NOX4: variants seen among roughly 807,000 people sequenced by gnomAD.
NOX4 encodes NADPH oxidase 4, also known as kidney oxidase-1.
A neutral mutation model predicts 87.6 loss-of-function variants in NOX4; 69 were observed. The observed-to-expected ratio is 0.79, with a 90% CI of 0.65 to 0.96. The LOEUF is 0.96. Ranked by LOEUF, NOX4 falls within the 40% of genes least tolerant of loss-of-function variation. The probability of loss-of-function intolerance (pLI) is 0.00; values close to 1 mark genes in which losing one functional copy is unlikely to be tolerated. For missense variants in NOX4, 680 were observed against 681.5 expected (o/e 1.00, Z 0.02); for synonymous variants, 275 against 238.2 (o/e 1.15, Z -1.42).
intron 11 of NOX4, among the ~76,000 whole-genome samples, chr11:89,384,472 G>T (rs375255770): frequency 6.6e-6 from 1 of 152,050 alleles, no homozygotes; most frequent in East Asian, 1.9e-4. Context: ...GATCATGTCT[G>T]GCTAATCTCC....
chr11:89,553,938 A>G, the NOX4 span, among the ~76,000 whole-genome samples: 3 of 151,590 alleles, frequency 2.0e-5, no homozygotes, highest in African/African-American at 7.3e-5. Context: ...GTGCCTACCC[A>G]AGTTAGACTC....
At chr11:89,489,045 T>A (rs1424833261) in intron 2 of NOX4, 1 of 699,090 alleles carries the variant, frequency 1.4e-6, no homozygotes, top group Non-Finnish European at 2.6e-6. Context: ...CTTTACAGAC[T>A]ATTTTTTTCA....
chr11:89,424,915 T>A (rs978817936), intron 7 of NOX4, among the ~76,000 whole-genome samples: 9 of 152,092 alleles, frequency 5.9e-5, no homozygotes, highest in African/African-American at 2.2e-4. Context: ...CATTTAAGAA[T>A]TTCATGATTC....
chr11:89,492,357 A>C (rs1241702689), upstream of NOX4: 1 of 152,266 alleles, frequency 6.6e-6, no homozygotes, highest in African/African-American at 2.4e-5. Flanking sequence ...GAGAGACAGA[A>C]AAGTTTACTA....
intron 2 of NOX4, among the ~76,000 whole-genome samples, chr11:89,469,028 C>T (rs1438936246): frequency 1.3e-5 from 2 of 152,156 alleles, no homozygotes; most frequent in Non-Finnish European, 2.9e-5. Flanking sequence ...CCACACAAGG[C>T]CTGAAAGCTT....
At chr11:89,500,948 A>G (rs1350786751), upstream of NOX4, among the ~76,000 whole-genome samples, 1 of 152,126 alleles carries the variant, frequency 6.6e-6, no homozygotes, top group African/African-American at 2.4e-5. Context: ...ACATGACATT[A>G]GTTTAGCACA....
chr11:89,337,662 T>C lies in NOX4; in HGVS notation c.1447-147A>G, dbSNP rs534873872. ...ATAAGAAAATGAATACACACACACA[T>C]ACATACACAGAAATATATATAACAG... On this transcript the variant is annotated intron_variant, in intron 15 of 17. Transcript: ENST00000263317. 72 of 1,092,434 alleles carry C rather than the reference T, an allele frequency of 6.6e-5. No homozygotes were observed. In the Admixed American group the frequency reaches 9.3e-4, roughly 14 times the overall value. 67.7% of individuals were successfully genotyped at this position (1,092,434 alleles called of 1,614,324 possible).
chr11:89,336,915 C>T (rs1945736700), intron 16 of NOX4, among the ~76,000 whole-genome samples: 2 of 151,974 alleles, frequency 1.3e-5, no homozygotes, highest in Non-Finnish European at 2.9e-5. Context: ...ATACACCAGT[C>T]CAGCTCTTCA....
intron 11 of NOX4, among the ~76,000 whole-genome samples, chr11:89,382,447 G>A (rs1216673436): frequency 6.6e-6 from 1 of 151,992 alleles, no homozygotes; most frequent in East Asian, 1.9e-4. Context: ...ATGGGCAAAT[G>A]GTCTGAGGTG....
At chr11:89,581,732 G>A in the NOX4 span, among the ~76,000 whole-genome samples, 1 of 152,010 alleles carries the variant, frequency 6.6e-6, no homozygotes, top group Admixed American at 6.6e-5. Context: ...CATACAAAAT[G>A]CTGTACATAT....
chr11:89,333,458 T>G (rs1945560980), intron 17 of NOX4, among the ~76,000 whole-genome samples: 1 of 151,100 alleles, frequency 6.6e-6, no homozygotes, highest in Admixed American at 6.6e-5. Context: ...TTACAAAAGC[T>G]TCTGTAAGAA....
chr11:89,580,103 G>A, the NOX4 span, among the ~76,000 whole-genome samples: 2,483 of 152,278 alleles, frequency 0.016, 55 homozygotes, highest in African/African-American at 0.053. Context: ...AAGAGCTTGA[G>A]TAAGTTGTAT....
At chr11:89,373,277 C>T (rs1453542298) in intron 12 of NOX4, among the ~76,000 whole-genome samples, 155 bp downstream of exon 12, 1 of 59,100 alleles carries the variant, frequency 1.7e-5, no homozygotes, top group Admixed American at 2.3e-4. Flanking sequence ...ACTGTACAAG[C>T]AAAAAAAAAA....
chr11:89,400,957 A>T (rs964196838), intron 9 of NOX4, among the ~76,000 whole-genome samples: 1 of 151,952 alleles, frequency 6.6e-6, no homozygotes, highest in African/African-American at 2.4e-5. Flanking sequence ...ACATAAAATA[A>T]TATTTATAAT....
rs1354301462 is a variant in NOX4 at position 89,438,820 on chromosome 11, A to G, written c.475+1868T>C. ...TAATATATTATATATTATATATATTATATAATATCTTATATATTATATATA... is the reference window on the plus strand; with the variant it reads ...TAATATATTATATATTATATATATTGTATAATATCTTATATATTATATATA... On this transcript the variant is annotated intron_variant, in intron 6 of 17. Transcript: ENST00000263317. 1.0e-4 allele frequency among the ~76,000 whole-genome samples: 5 copies of G among 48,490 alleles called. 1 individual carries two copies. The highest frequency in any genetic ancestry group is 6.3e-4 in the South Asian group (1 of 1,596). The allele number at this position is 48,490 out of a possible 152,430, so 31.8% of individuals were successfully genotyped here.
At chr11:89,355,540 T>C (rs773854207) in intron 12 of NOX4, among the ~76,000 whole-genome samples, 62 of 152,036 alleles carry the variant, frequency 4.1e-4, no homozygotes, top group South Asian at 1.0e-3. Flanking sequence ...CCAATAAACA[T>C]ACTAAGAGAT....
At chr11:89,495,127 TTTTG>T (rs1241870089), upstream of NOX4, among the ~76,000 whole-genome samples, 2 of 151,960 alleles carry the variant, frequency 1.3e-5, no homozygotes, top group African/African-American at 4.8e-5. Flanking sequence ...TTAGTTTGCT[TTTTG>T]TTTGTTTGGT....
chr11:89,331,672 C>T (rs1945478266), intron 17 of NOX4, among the ~76,000 whole-genome samples: 1 of 151,516 alleles, frequency 6.6e-6, no homozygotes, highest in South Asian at 2.1e-4. Flanking sequence ...TTTGGCAAGT[C>T]TTTCAGATTT....
chr11:89,430,483 G>C (rs971225539), intron 7 of NOX4, among the ~76,000 whole-genome samples: 6 of 152,130 alleles, frequency 3.9e-5, no homozygotes. Flanking sequence ...ATCTCCTTAA[G>C]GTGATAAGCA....
Sources: allele counts gnomAD v4.1 joint callset (sites outside exome capture counted in the v4.1 genomes callset), GRCh38; gene constraint gnomAD v4.1.1; transcripts MANE v1.5; gene names NCBI Gene and HGNC (gene_info 2026-07-23, HGNC 2026-07-21).